The following UGT1A10 variants were observed in gnomAD, a reference collection of about 807,000 sequenced individuals.
The protein encoded by UGT1A10 is UDP glucuronosyltransferase family 1 member A10.
UGT1A10 carries 49 observed loss-of-function variants against 45.8 expected under a neutral mutation model. The observed-to-expected ratio is 1.07, with a 90% CI of 0.85 to 1.36. The LOEUF is 1.36. UGT1A10 is among the 40% of genes most tolerant of loss of function. The pLI is 0.00. For missense variants in UGT1A10, 745 were observed against 668.6 expected, an observed-to-expected ratio of 1.11 and a Z score of -1.26; for synonymous variants, 284 against 249.7, an observed-to-expected ratio of 1.14 and a Z score of -1.29.
chr2:233,719,299 T>C, intron 1 of UGT1A10: 1 of 1,613,974 alleles, frequency 6.2e-7, no homozygotes, highest in East Asian at 2.2e-5. Flanking sequence ...TGTGGGGCGG[T>C]GCTGGCTAAG....
chr2:233,659,584 G>A (rs2073925759), intron 1 of UGT1A10, among the ~76,000 whole-genome samples: 1 of 152,160 alleles, frequency 6.6e-6, no homozygotes, highest in Non-Finnish European at 1.5e-5. Flanking sequence ...GGAGGGGTTG[G>A]TCTTGCTTTT....
At chr2:233,672,820 A>G in intron 1 of UGT1A10, 1 of 1,579,740 alleles carries the variant, frequency 6.3e-7, no homozygotes, top group Non-Finnish European at 8.6e-7. Flanking sequence ...CACCTTAAGA[A>G]TACTTCACCT....
chr2:233,676,509 GT>G (rs1559336596), intron 1 of UGT1A10, among the ~76,000 whole-genome samples: 1 of 152,146 alleles, frequency 6.6e-6, no homozygotes, highest in Non-Finnish European at 1.5e-5. Context: ...GCTAAAGTCT[GT>G]TTCCTTCAGA....
intron 1 of UGT1A10, chr2:233,743,635 G>C: frequency 1.5e-6 from 2 of 1,367,296 alleles, no homozygotes; most frequent in Non-Finnish European, 2.0e-6. Flanking sequence ...CGGCTGGGTC[G>C]CGGAAGCTGA....
At chr2:233,666,634 TTTTA>T (rs1559331370) in intron 1 of UGT1A10, among the ~76,000 whole-genome samples, 2 of 151,974 alleles carry the variant, frequency 1.3e-5, no homozygotes, top group Admixed American at 6.6e-5. Context: ...GTTTGTTTGT[TTTTA>T]TTTTTTTATT....
In UGT1A10 at chr2:233,636,563, T is replaced by C; in HGVS notation, c.41T>C (p.Val14Ala). 1 of 1,614,186 alleles carries C rather than the reference T, an allele frequency of 6.2e-7. No homozygotes were observed. Among genetic ancestry groups the C allele is most frequent in the African/African-American group, 1.3e-5 (1 of 75,062 alleles). The change falls in exon 1 of 5, where the codon GTG becomes GCG. Residue 14 changes from valine to alanine, a missense_variant. Coordinates refer to ENST00000344644, the MANE Select transcript of UGT1A10 (RefSeq NM_019075.4). ...AGWTSPVPLC[V>A]CLLLTCGFAE... Reference sequence around the variant, plus strand: ...TGGACCAGCCCCGTTCCTTTATGTGTGTGTCTACTGCTGACCTGTGGCTTT... The same window carrying C: ...TGGACCAGCCCCGTTCCTTTATGTGCGTGTCTACTGCTGACCTGTGGCTTT...
At position 233,738,235 on chromosome 2, in the gene UGT1A10, C is replaced by G. The variant is rs190187890; in HGVS notation, c.856-28799C>G. 1.4e-4 allele frequency among the ~76,000 whole-genome samples: 21 copies of G among 152,332 alleles called. No individual in the cohort carries two copies. In the East Asian group the frequency reaches 3.3e-3, roughly 24 times the overall value. ...GGATTATAAGTTTCCTGAGGCCCCTCCAGCCACATGGAACTGGAGTCAATT... is the reference window on the plus strand; with the variant it reads ...GGATTATAAGTTTCCTGAGGCCCCTGCAGCCACATGGAACTGGAGTCAATT... On this transcript the variant is annotated intron_variant, in intron 1 of 4. Coordinates refer to ENST00000344644, the MANE Select transcript of UGT1A10 (RefSeq NM_019075.4).
intron 1 of UGT1A10, among the ~76,000 whole-genome samples, chr2:233,700,193 T>C (rs2075549348): frequency 1.3e-5 from 2 of 152,154 alleles, no homozygotes; most frequent in African/African-American, 4.8e-5. Context: ...ATCTCAGCCT[T>C]TGTTGGCTGA....
At chr2:233,646,909 T>A (rs2073620542) in intron 1 of UGT1A10, among the ~76,000 whole-genome samples, 1 of 152,218 alleles carries the variant, frequency 6.6e-6, no homozygotes, top group African/African-American at 2.4e-5. Flanking sequence ...ATTGACTGTA[T>A]TAGTCTGTTT....
intron 1 of UGT1A10, chr2:233,647,883 A>T (rs2073642866): frequency 6.8e-7 from 1 of 1,481,108 alleles, no homozygotes; most frequent in Non-Finnish European, 9.2e-7. Flanking sequence ...TATTTCATTG[A>T]TTTCTACACT....
chr2:233,755,203 A>T, intron 1 of UGT1A10: 1 of 1,097,556 alleles, frequency 9.1e-7, no homozygotes, highest in African/African-American at 1.6e-5. Flanking sequence ...AGCTTGCGGT[A>T]CGCCTTCTTG....
At chr2:233,648,776 C>A in intron 1 of UGT1A10, 3 of 830,612 alleles carry the variant, frequency 3.6e-6, no homozygotes, top group Admixed American at 2.0e-5. Flanking sequence ...GATGCCATGA[C>A]TTTTAAGGAG....
At chr2:233,732,639 A>G (rs1283662238) in intron 1 of UGT1A10, among the ~76,000 whole-genome samples, 1 of 151,906 alleles carries the variant, frequency 6.6e-6, no homozygotes, top group Non-Finnish European at 1.5e-5. Context: ...TATTTCTGAG[A>G]CCACTGTTCT....
chr2:233,675,177 T>C (rs956649230), intron 1 of UGT1A10, among the ~76,000 whole-genome samples: 1 of 152,140 alleles, frequency 6.6e-6, no homozygotes, highest in African/African-American at 2.4e-5. Context: ...TTAAATACTT[T>C]AACAAGGATG....
intron 1 of UGT1A10, among the ~76,000 whole-genome samples, chr2:233,712,135 C>T (rs953874748): frequency 2.6e-5 from 4 of 152,214 alleles, no homozygotes; most frequent in South Asian, 2.1e-4. Flanking sequence ...CTGGAGCCTT[C>T]AGCATTCAGA....
chr2:233,741,432 C>T (rs1352002109), intron 1 of UGT1A10: 1 of 151,408 alleles, frequency 6.6e-6, no homozygotes, highest in Non-Finnish European at 1.5e-5. Flanking sequence ...AGCAAACCTA[C>T]TCAGCAAACT....
chr2:233,708,891 G>A (rs1366135571), intron 1 of UGT1A10, among the ~76,000 whole-genome samples: 1 of 151,994 alleles, frequency 6.6e-6, no homozygotes, highest in African/African-American at 2.4e-5. Flanking sequence ...AACAATCTCA[G>A]GGGCTATCTG....
At chr2:233,743,943 G>A in intron 1 of UGT1A10, 2 of 1,352,238 alleles carry the variant, frequency 1.5e-6, no homozygotes, top group Non-Finnish European at 9.9e-7. Flanking sequence ...GGCCCACCAG[G>A]CACTGGCACA....
At chr2:233,699,792 C>G (rs1356829058) in intron 1 of UGT1A10, among the ~76,000 whole-genome samples, 1 of 152,188 alleles carries the variant, frequency 6.6e-6, no homozygotes, top group Non-Finnish European at 1.5e-5. Flanking sequence ...TTCCTCCTCT[C>G]ATATTCTGGA....
Sources: allele counts gnomAD v4.1 joint callset (sites outside exome capture counted in the v4.1 genomes callset), GRCh38; gene constraint gnomAD v4.1.1; transcripts MANE v1.5; gene names NCBI Gene and HGNC (gene_info 2026-07-23, HGNC 2026-07-21).